The following CTNND2 variants were observed in gnomAD, a reference collection of about 807,000 sequenced individuals.
The protein encoded by CTNND2 is catenin delta-2.
Under a neutral mutation model 144.4 loss-of-function variants are expected in CTNND2, and 22 were observed. The ratio of observed to expected loss-of-function variants is 0.15; its 90% confidence interval spans 0.11 to 0.22. CTNND2 has a LOEUF of 0.22. Among genes scored for constraint, CTNND2 ranks in the 10% least tolerant of loss-of-function variants. CTNND2 has a pLI of 1.00. For synonymous variants in CTNND2, 751 were observed against 695.6 expected (o/e 1.08, Z -1.25); for missense variants, 1,353 against 1,618.8 (o/e 0.84, Z 2.82).
chr5:11,350,188 G>A (rs1755185085), intron 8 of CTNND2, among the ~76,000 whole-genome samples: 1 of 151,958 alleles, frequency 6.6e-6, no homozygotes, highest in African/African-American at 2.4e-5. Flanking sequence ...GAGAAGAGGT[G>A]GGTTCCCCCT....
chr5:11,835,272 C>T (rs1005032102), intron 1 of CTNND2, among the ~76,000 whole-genome samples: 3 of 152,254 alleles, frequency 2.0e-5, no homozygotes, highest in Middle Eastern at 3.4e-3. Context: ...TTATTTTCTT[C>T]TACTGTTTTT....
At chr5:11,886,975 CTTTTTTT>C (rs36178842) in intron 1 of CTNND2, among the ~76,000 whole-genome samples, 4 of 83,600 alleles carry the variant, frequency 4.8e-5, no homozygotes, top group East Asian at 3.9e-4. Flanking sequence ...TATCCTACTG[CTTTTTTT>C]TTTTTTTTTT....
At chr5:11,352,406 A>C (rs905783657) in intron 8 of CTNND2, among the ~76,000 whole-genome samples, 2 of 152,196 alleles carry the variant, frequency 1.3e-5, no homozygotes, top group Non-Finnish European at 2.9e-5. Flanking sequence ...AAAAAATTTA[A>C]AAATGCAAGC....
chr5:10,977,304 C>T (rs1334326705), intron 21 of CTNND2, among the ~76,000 whole-genome samples: 2 of 152,174 alleles, frequency 1.3e-5, no homozygotes, highest in African/African-American at 4.8e-5. Context: ...AAATATTGGT[C>T]ATCAAAACAG....
intron 3 of CTNND2, among the ~76,000 whole-genome samples, chr5:11,415,844 T>C (rs1050661018): frequency 5.3e-5 from 8 of 152,112 alleles, no homozygotes; most frequent in African/African-American, 1.9e-4. Context: ...TGCCACTTTA[T>C]GGCCAAGCAC....
chr5:11,477,971 G>A, intron 3 of CTNND2, among the ~76,000 whole-genome samples: 1 of 152,154 alleles, frequency 6.6e-6, no homozygotes, highest in Admixed American at 6.6e-5. Context: ...AGAAGTTGTT[G>A]GAAGTCATCC....
chr5:11,099,564 A>T (rs981173607), intron 14 of CTNND2, among the ~76,000 whole-genome samples: 2 of 152,224 alleles, frequency 1.3e-5, no homozygotes, highest in Non-Finnish European at 2.9e-5. Context: ...GTAGTATGGG[A>T]TTTGCACATT....
chr5:11,574,405 C>T (rs1254698820), intron 2 of CTNND2, among the ~76,000 whole-genome samples: 1 of 151,960 alleles, frequency 6.6e-6, no homozygotes, highest in East Asian at 1.9e-4. Flanking sequence ...GCGGTCTAAC[C>T]CACACTAACA....
chr5:11,079,681 C>T lies in CTNND2; in HGVS notation c.2788+3015G>A, dbSNP rs376233231. On this transcript the variant is annotated intron_variant, in intron 16 of 21. Coordinates refer to ENST00000304623, the MANE Select transcript of CTNND2 (RefSeq NM_001332.4). ...GGATTCTTTTCCCCCCAAATACCTG[C>T]ATGGCTTCCTGTCTCATCTCCTTTG... Among the ~76,000 whole-genome samples, 58 of 152,314 alleles carry T rather than the reference C, an allele frequency of 3.8e-4. No homozygotes were observed. In the South Asian group the frequency reaches 6.0e-3, roughly 16 times the overall value.
chr5:11,381,557 A>C (rs1261807204), intron 7 of CTNND2, among the ~76,000 whole-genome samples: 1 of 152,154 alleles, frequency 6.6e-6, no homozygotes, highest in East Asian at 1.9e-4. Flanking sequence ...CTGCTTAGAA[A>C]ACCTTCTGCC....
At chr5:11,820,027 C>G (rs1793227356) in intron 1 of CTNND2, among the ~76,000 whole-genome samples, 1 of 152,170 alleles carries the variant, frequency 6.6e-6, no homozygotes, top group African/African-American at 2.4e-5. Flanking sequence ...AGAGTAGACA[C>G]AGGGTCACAT....
At chr5:10,983,733 A>G (rs1170261491) in intron 20 of CTNND2, among the ~76,000 whole-genome samples, 8 of 152,056 alleles carry the variant, frequency 5.3e-5, no homozygotes, top group Non-Finnish European at 1.2e-4. Context: ...CCACCCTGTT[A>G]CCAACAGTTA....
chr5:11,863,080 C>T (rs1795578256), intron 1 of CTNND2, among the ~76,000 whole-genome samples: 1 of 152,148 alleles, frequency 6.6e-6, no homozygotes, highest in African/African-American at 2.4e-5. Flanking sequence ...TCTCGTATTT[C>T]ATTTAACCTT....
Position 11,000,249 on chromosome 5 carries a change from G to A in CTNND2, c.3085-7572C>T, listed in dbSNP as rs892893762. 9.8e-5 allele frequency among the ~76,000 whole-genome samples: 15 copies of A among 152,338 alleles called. 1 individual carries two copies. The highest frequency in any genetic ancestry group is 9.2e-4 in the Admixed American group (14 of 15,296). ...TATTCTAGAAATTGTGTGGCTGAGC[G>A]CAGTGGCTCACGCCTGTAATCCCAG... is the stretch of plus-strand genomic sequence containing the variant. On this transcript the variant is annotated intron_variant, in intron 18 of 21. Coordinates refer to ENST00000304623, the MANE Select transcript of CTNND2 (RefSeq NM_001332.4).
chr5:11,080,621 C>T (rs1464553329), intron 16 of CTNND2, among the ~76,000 whole-genome samples: 1 of 152,130 alleles, frequency 6.6e-6, no homozygotes, highest in Non-Finnish European at 1.5e-5. Flanking sequence ...GGTATATATA[C>T]ACAAAGGAAT....
At chr5:10,985,527 A>G (rs1357538877) in intron 20 of CTNND2, among the ~76,000 whole-genome samples, 1 of 152,212 alleles carries the variant, frequency 6.6e-6, no homozygotes. Flanking sequence ...TCCATCAAAG[A>G]GATGTTTGCA....
At chr5:11,412,132 A>C in intron 3 of CTNND2, 63 bp from the exon 4 acceptor site, 1 of 1,337,518 alleles carries the variant, frequency 7.5e-7, no homozygotes, top group Non-Finnish European at 1.1e-6. Flanking sequence ...AAACCCTAAA[A>C]TCTAAGACAC....
rs187779487 is a variant in CTNND2 at position 10,981,992 on chromosome 5, C to T, written c.3344-146G>A. ...AGAAGACATTCTTTGGCCCTGAACA[C>T]TTCATTTTACATACAGATATTAAAA... On this transcript the variant is annotated intron_variant, in intron 20 of 21. Transcript: ENST00000304623. 29 of 626,256 alleles carry T rather than the reference C, an allele frequency of 4.6e-5. No individual in the cohort carries two copies. The African/African-American group carries it at 5.3e-4, about 12-fold the overall frequency. 38.8% of individuals were successfully genotyped at this position (626,256 alleles called of 1,614,324 possible).
intron 1 of CTNND2, among the ~76,000 whole-genome samples, chr5:11,789,825 GA>G (rs1185565543): frequency 8.5e-5 from 13 of 152,110 alleles, no homozygotes; most frequent in African/African-American, 2.9e-4. Flanking sequence ...TTTCACCACT[GA>G]ATATAATATT....
Sources: allele counts gnomAD v4.1 joint callset (sites outside exome capture counted in the v4.1 genomes callset), GRCh38; gene constraint gnomAD v4.1.1; transcripts MANE v1.5; gene names NCBI Gene and HGNC (gene_info 2026-07-23, HGNC 2026-07-21).